ANAPC4: variants seen among roughly 807,000 people sequenced by gnomAD.
ANAPC4 encodes anaphase-promoting complex subunit 4.
ANAPC4 carries 63 observed loss-of-function variants against 119.8 expected under a neutral mutation model. That is an observed-to-expected ratio of 0.53 (90% CI 0.43 to 0.65). The LOEUF (loss-of-function observed/expected upper bound fraction) is 0.65. ANAPC4 is among the 30% of genes least tolerant of loss of function. ANAPC4 has a pLI of 0.00. For missense variants in ANAPC4, 716 were observed against 945.1 expected (o/e 0.76, Z 3.18); for synonymous variants, 283 against 318.6 (o/e 0.89, Z 1.19).
chr4:25,387,424 G>T (rs185413195), intron 4 of ANAPC4, among the ~76,000 whole-genome samples: 29 of 152,238 alleles, frequency 1.9e-4, no homozygotes, highest in Non-Finnish European at 3.4e-4. Flanking sequence ...TTTGACCTGG[G>T]GTTTGAAATT....
At chr4:25,394,464 A>AT (rs1281170565) in intron 12 of ANAPC4, 90 bp downstream of exon 12, 2 of 1,186,058 alleles carry the variant, frequency 1.7e-6, no homozygotes, top group Non-Finnish European at 2.3e-6. Flanking sequence ...ATAGTATGTG[A>AT]TTTTTTTAAT....
intron 2 of ANAPC4, among the ~76,000 whole-genome samples, chr4:25,378,208 G>A (rs1721516191): frequency 6.6e-6 from 1 of 152,216 alleles, no homozygotes; most frequent in Non-Finnish European, 1.5e-5. Flanking sequence ...TAAACCAGTT[G>A]TACCCAACTT....
At chr4:25,413,812 A>G (rs867754819) in intron 22 of ANAPC4, 70 bp downstream of exon 22, 2 of 1,166,964 alleles carry the variant, frequency 1.7e-6, no homozygotes, top group Non-Finnish European at 1.2e-6. Context: ...TCACTTATGT[A>G]AATGATCTTA....
chr4:25,414,765 A>G, intron 25 of ANAPC4, 65 bp downstream of exon 25: 1 of 1,337,300 alleles, frequency 7.5e-7, no homozygotes, highest in South Asian at 1.8e-5. Context: ...AATGAAGCAT[A>G]CAGCCTTCCA....
chr4:25,378,713 G>C (rs565450924), intron 2 of ANAPC4, among the ~76,000 whole-genome samples: 45 of 152,312 alleles, frequency 3.0e-4, no homozygotes, highest in African/African-American at 1.0e-3. Flanking sequence ...AGCTAACAAA[G>C]CAGGTGGACT....
chr4:25,416,669 T>C, intron 27 of ANAPC4, 71 bp downstream of exon 27: 1 of 1,232,054 alleles, frequency 8.1e-7, no homozygotes, highest in East Asian at 2.6e-5. Context: ...AATTCCAACC[T>C]TTTAGGTACG....
chr4:25,399,079 ATAT>A (rs1722811107), intron 16 of ANAPC4, among the ~76,000 whole-genome samples: 2 of 151,212 alleles, frequency 1.3e-5, no homozygotes, highest in Non-Finnish European at 2.9e-5. Context: ...TCATTTAAAA[ATAT>A]TATACTGTAT....
At chr4:25,391,070 A>G (rs946215381) in intron 9 of ANAPC4, 55 bp downstream of exon 9, 19 of 1,336,806 alleles carry the variant, frequency 1.4e-5, no homozygotes, top group African/African-American at 4.4e-5. Flanking sequence ...AACAGGTTTT[A>G]TATAGGTTTT....
rs1194392220 is a variant in ANAPC4, at chr4:25,416,426, A to G, written c.1903A>G (p.Ile635Val). The G allele has an allele frequency of 1.1e-5, 17 of 1,523,586 alleles. No individual in the cohort carries two copies. Among genetic ancestry groups the G allele is most frequent in the Non-Finnish European group, 1.5e-5 (17 of 1,124,598 alleles). The allele number at this position is 1,523,586 out of a possible 1,614,324, so 94.4% of individuals were successfully genotyped here. A position where few individuals can be genotyped will look rare whatever the true frequency, so the allele number is the denominator to read the frequency against. The change falls in exon 27 of 29, where the codon ATC becomes GTC. Residue 635 changes from isoleucine to valine, a missense_variant and splice_region_variant. Around this residue, in one of 3 missense-constraint regions of ANAPC4, gnomAD observed 504 missense variants for 615.8 expected, o/e 0.82. Transcript: ENST00000315368. ...YATTEKVRRS[I>V]YSCLDAQFYD... ...TAACAAAACTTATTTTAATTCTAGC[A>G]TCTACAGTTGTTTAGATGCACAGTT...
chr4:25,384,108 C>T (rs1023228990), intron 4 of ANAPC4, among the ~76,000 whole-genome samples: 2 of 152,248 alleles, frequency 1.3e-5, no homozygotes, highest in Admixed American at 6.5e-5. Flanking sequence ...AATCCTTTGT[C>T]ATGTCAACAT....
chr4:25,394,820 T>A lies in ANAPC4; in HGVS notation c.985-9T>A. 3.7e-6 allele frequency: 6 copies of A among 1,609,482 alleles called. No individual in the cohort carries two copies. Among genetic ancestry groups the A allele is most frequent in the Non-Finnish European group, 5.1e-6 (6 of 1,178,738 alleles). The stretch of plus-strand genomic sequence containing the variant: ...TTGTATGCTAAATATATTTTCCTTT[T>A]TTAATTAGGGCTTGAAAAAGCTTGG... On this transcript the variant is annotated splice_polypyrimidine_tract_variant and intron_variant, in intron 13 of 28. Coordinates refer to ENST00000315368, the MANE Select transcript of ANAPC4 (RefSeq NM_013367.3).
chr4:25,409,866 A>G (rs1723468429), intron 21 of ANAPC4, 75 bp downstream of exon 21: 2 of 1,038,570 alleles, frequency 1.9e-6, no homozygotes, highest in African/African-American at 1.6e-5. Flanking sequence ...TTCTGCTAAC[A>G]GTTTTGCTGA....
Position 25,394,918 on chromosome 4 carries a change from C to T in ANAPC4, c.1061+13C>T, listed in dbSNP as rs778676343. On this transcript the variant is annotated intron_variant, in intron 14 of 28. Transcript: ENST00000315368. ...GTCATTTACAGAGGTATGAAGGTGA[C>T]GTAGAATTTTTTGGTATTGTATCCA... 21 of 1,603,242 alleles carry T rather than the reference C, an allele frequency of 1.3e-5. No homozygotes were observed. Among genetic ancestry groups the T allele is most frequent in the East Asian group, 2.2e-5 (1 of 44,628 alleles).
rs578116604 is a variant in ANAPC4, at chr4:25,417,945, T to C, written c.2199+206T>C. 7.1e-6 allele frequency: 6 copies of C among 845,554 alleles called. No individual in the cohort carries two copies. The Admixed American group carries it at 1.9e-4, about 27-fold the overall frequency. The allele number at this position is 845,554 out of a possible 1,614,324, so 52.4% of individuals were successfully genotyped here. On this transcript the variant is annotated intron_variant, in intron 28 of 28. Coordinates refer to ENST00000315368, the MANE Select transcript of ANAPC4 (RefSeq NM_013367.3). ...AAGCTTACTAAGTAGTTAATAATAA[T>C]ACTAGATTTTAATCTCACGAAATTG...
chr4:25,390,275 G>T, intron 8 of ANAPC4, 55 bp downstream of exon 8: 2 of 1,278,858 alleles, frequency 1.6e-6, no homozygotes, highest in Non-Finnish European at 2.2e-6. Flanking sequence ...GAATATACTA[G>T]GTACTTATGG....
intron 16 of ANAPC4, among the ~76,000 whole-genome samples, chr4:25,398,420 G>T (rs978441342): frequency 3.3e-5 from 5 of 152,158 alleles, no homozygotes; most frequent in African/African-American, 9.7e-5. Flanking sequence ...ATATTTGGGG[G>T]TGGAAGGGGC....
Position 25,377,566 on chromosome 4 carries a change from C to T in ANAPC4, c.129+10C>T, listed in dbSNP as rs1721479216. On this transcript the variant is annotated intron_variant, in intron 2 of 28. Coordinates refer to ENST00000315368, the MANE Select transcript of ANAPC4 (RefSeq NM_013367.3). Reference sequence around the variant, plus strand: ...CAACACAGCTGGCGAGGTGAGTGAGCCGGCGGGAGCCCGCCTGTGCTGGGT... The same window carrying T: ...CAACACAGCTGGCGAGGTGAGTGAGTCGGCGGGAGCCCGCCTGTGCTGGGT... The T allele has an allele frequency of 1.3e-6, 2 of 1,599,036 alleles. No individual in the cohort carries two copies.
intron 16 of ANAPC4, among the ~76,000 whole-genome samples, chr4:25,399,725 G>A (rs933936693): frequency 3.3e-5 from 5 of 152,138 alleles, no homozygotes; most frequent in South Asian, 4.1e-4. Context: ...TGAGACTAGC[G>A]TTCAAGGGAG....
At chr4:25,387,750 A>G (rs1722117904) in intron 4 of ANAPC4, among the ~76,000 whole-genome samples, 1 of 152,220 alleles carries the variant, frequency 6.6e-6, no homozygotes, top group African/African-American at 2.4e-5. Flanking sequence ...AAAAGGGGGT[A>G]AATAAGACTA....
Sources: allele counts gnomAD v4.1 joint callset (sites outside exome capture counted in the v4.1 genomes callset), GRCh38; gene constraint gnomAD v4.1.1; regional missense constraint gnomAD v4.1.1; transcripts MANE v1.5; gene names NCBI Gene and HGNC (gene_info 2026-07-23, HGNC 2026-07-21).